Variants in ANKRD44 observed in about 807,000 individuals in gnomAD.
ANKRD44 encodes the protein ankyrin repeat domain 44, also known as serine/threonine-protein phosphatase 6 regulatory ankyrin repeat subunit B.
In ANKRD44, 35 loss-of-function variants were observed where a neutral mutation model predicts 116.0. The ratio of observed to expected loss-of-function variants is 0.30; its 90% CI spans 0.23 to 0.40. ANKRD44 has a LOEUF of 0.40. ANKRD44 is among the 10% of genes least tolerant of loss of function. ANKRD44 has a pLI of 1.00. For missense variants in ANKRD44, 1,014 were observed against 1,242.6 expected (o/e 0.82, Z 2.77); for synonymous variants, 435 against 461.8 (o/e 0.94, Z 0.74).
chr2:197,207,239 T>C (rs557652755), intron 1 of ANKRD44, among the ~76,000 whole-genome samples: 1 of 152,224 alleles, frequency 6.6e-6, no homozygotes, highest in African/African-American at 2.4e-5. Flanking sequence ...AAAACTGTGC[T>C]ATCAATTTAT....
intron 16 of ANKRD44, among the ~76,000 whole-genome samples, chr2:197,067,255 C>T: frequency 6.6e-6 from 1 of 151,970 alleles, no homozygotes; most frequent in Non-Finnish European, 1.5e-5. Context: ...AACTGGATCC[C>T]TTCCTTACAT....
At chr2:197,252,447 C>T (rs2082340365) in intron 1 of ANKRD44, among the ~76,000 whole-genome samples, 1 of 151,990 alleles carries the variant, frequency 6.6e-6, no homozygotes, top group African/African-American at 2.4e-5. Flanking sequence ...GTCTCTGTCG[C>T]CCAGGCTGGA....
At chr2:197,165,873 CATTTT>C (rs2080090502) in intron 2 of ANKRD44, among the ~76,000 whole-genome samples, 1 of 152,150 alleles carries the variant, frequency 6.6e-6, no homozygotes, top group Admixed American at 6.5e-5. Context: ...TGATTTGACT[CATTTT>C]ATGACATGAA....
intron 16 of ANKRD44, among the ~76,000 whole-genome samples, chr2:197,032,000 C>T (rs1215136092): frequency 6.6e-6 from 1 of 152,150 alleles, no homozygotes; most frequent in Non-Finnish European, 1.5e-5. Context: ...CTGGAATTGA[C>T]AGTGTGTACC....
At chr2:197,169,259 T>C (rs1300798172) in intron 2 of ANKRD44, among the ~76,000 whole-genome samples, 1 of 152,208 alleles carries the variant, frequency 6.6e-6, no homozygotes, top group Non-Finnish European at 1.5e-5. Context: ...CAGTCTCAGC[T>C]TAAATGTCAC....
chr2:197,008,486 G>T (rs2076239452), intron 19 of ANKRD44, among the ~76,000 whole-genome samples: 1 of 152,190 alleles, frequency 6.6e-6, no homozygotes, highest in South Asian at 2.1e-4. Context: ...ATTTGTAAGA[G>T]AAGATTAGGT....
At chr2:197,066,099 G>C (rs955114743) in intron 16 of ANKRD44, among the ~76,000 whole-genome samples, 1 of 152,188 alleles carries the variant, frequency 6.6e-6, no homozygotes, top group Non-Finnish European at 1.5e-5. Flanking sequence ...CGATGATCAA[G>C]TGGGCTTCAT....
intron 1 of ANKRD44, among the ~76,000 whole-genome samples, chr2:197,270,969 C>T (rs904749484): frequency 7.2e-5 from 11 of 152,202 alleles, no homozygotes; most frequent in Admixed American, 7.2e-4. Context: ...CATATATACA[C>T]ACACCAGGGC....
At chr2:197,281,802 G>A (rs1161923860) in intron 1 of ANKRD44, among the ~76,000 whole-genome samples, 1 of 152,074 alleles carries the variant, frequency 6.6e-6, no homozygotes, top group Non-Finnish European at 1.5e-5. Context: ...CTCCTTTCTT[G>A]CTTATAACTT....
chr2:197,199,612 A>T (rs2081047102), intron 1 of ANKRD44, among the ~76,000 whole-genome samples: 2 of 152,062 alleles, frequency 1.3e-5, no homozygotes, highest in African/African-American at 4.8e-5. Context: ...TCCCACACAC[A>T]CACTTTTTTT....
At chr2:197,088,229 C>T (rs572516040) in intron 12 of ANKRD44, among the ~76,000 whole-genome samples, 86 of 152,282 alleles carry the variant, frequency 5.6e-4, no homozygotes, top group Non-Finnish European at 1.1e-3. Flanking sequence ...TCTTGCCTGT[C>T]TTTTGGGTTT....
At chr2:197,233,132 C>G (rs2081904853) in intron 1 of ANKRD44, among the ~76,000 whole-genome samples, 3 of 152,302 alleles carry the variant, frequency 2.0e-5, no homozygotes, top group South Asian at 4.1e-4. Flanking sequence ...AATTGGAGAG[C>G]CTGGCTCCAT....
intron 8 of ANKRD44, among the ~76,000 whole-genome samples, chr2:197,113,954 C>T (rs567171701): frequency 7.2e-5 from 11 of 152,228 alleles, no homozygotes; most frequent in African/African-American, 2.6e-4. Flanking sequence ...TCATGGCAGC[C>T]ATTTTGGGAC....
chr2:197,245,708 G>A (rs562072829), intron 1 of ANKRD44, among the ~76,000 whole-genome samples: 31 of 152,212 alleles, frequency 2.0e-4, no homozygotes, highest in African/African-American at 7.2e-4. Context: ...TTACCATGAG[G>A]CCACATTCCT....
chr2:197,305,775 A>G (rs941835028), intron 1 of ANKRD44, among the ~76,000 whole-genome samples: 1 of 152,086 alleles, frequency 6.6e-6, no homozygotes, highest in East Asian at 1.9e-4. Context: ...TATGTGCACA[A>G]GTGAAAGGTA....
chr2:197,183,849 G>A (rs1574223107), intron 2 of ANKRD44, among the ~76,000 whole-genome samples: 2 of 152,048 alleles, frequency 1.3e-5, no homozygotes, highest in East Asian at 3.9e-4. Flanking sequence ...CTTATCTGTT[G>A]CCACACACCC....
intron 21 of ANKRD44, among the ~76,000 whole-genome samples, chr2:197,003,457 T>C (rs374919188): frequency 2.0e-5 from 3 of 152,192 alleles, no homozygotes; most frequent in African/African-American, 7.2e-5. Flanking sequence ...ATTCCTTAAG[T>C]GGGGACTATA....
At chr2:197,123,149 T>A (rs779466813) in intron 6 of ANKRD44, among the ~76,000 whole-genome samples, 2 of 152,114 alleles carry the variant, frequency 1.3e-5, no homozygotes, top group Non-Finnish European at 2.9e-5. Flanking sequence ...TTGAAAACAA[T>A]TGCCATTCCT....
At chr2:197,172,008 T>C (rs1346175661) in intron 2 of ANKRD44, among the ~76,000 whole-genome samples, 3 of 150,440 alleles carry the variant, frequency 2.0e-5, no homozygotes, top group Non-Finnish European at 4.4e-5. Flanking sequence ...TCTTTTTTTT[T>C]TTTTTTTTTG....
Sources: allele counts gnomAD v4.1 joint callset (sites outside exome capture counted in the v4.1 genomes callset), GRCh38; gene constraint gnomAD v4.1.1; transcripts MANE v1.5; gene names NCBI Gene and HGNC (gene_info 2026-07-23, HGNC 2026-07-21).